LHFPL1: variants seen among roughly 807,000 people sequenced by gnomAD.
LHFPL1 encodes LHFPL tetraspan subfamily member 1 protein.
In LHFPL1, 4 loss-of-function variants were observed where a neutral mutation model predicts 12.1. The ratio of observed to expected loss-of-function variants is 0.33; its 90% CI spans 0.16 to 0.76. LHFPL1 has a LOEUF of 0.76. LHFPL1 is among the 30% of genes least tolerant of loss of function. The pLI is 0.61. For synonymous variants in LHFPL1, 52 were observed against 61.9 expected (o/e 0.84, Z 0.75); for missense variants, 141 against 174.1 (o/e 0.81, Z 1.07).
intron 3 of LHFPL1, among the ~76,000 whole-genome samples, chrX:112,638,420 A>G (rs1223053310): frequency 9.0e-6 from 1 of 111,597 alleles, no homozygotes; most frequent in Admixed American, 9.5e-5. Context: ...GGTAGCCTAT[A>G]GTGGCCCTGA....
chrX:112,676,113 T>C (rs73630511), intron 1 of LHFPL1, among the ~76,000 whole-genome samples: 3,952 of 112,110 alleles, frequency 0.035, 169 homozygotes, highest in African/African-American at 0.12. Flanking sequence ...AAGTGTATTC[T>C]AGAAAATGCT....
At chrX:112,665,124 T>C (rs13328517) in intron 2 of LHFPL1, among the ~76,000 whole-genome samples, 4,560 of 110,749 alleles carry the variant, frequency 0.041, 237 homozygotes, top group African/African-American at 0.14. Context: ...TCTGTGTCAT[T>C]GCTAACTCCC....
intron 3 of LHFPL1, among the ~76,000 whole-genome samples, chrX:112,646,009 C>T (rs1930675029): frequency 9.0e-6 from 1 of 111,120 alleles, no homozygotes; most frequent in Non-Finnish European, 1.9e-5. Context: ...CAGAAAGTCA[C>T]CTGCCCTTAT....
chrX:112,668,797 G>C (rs992353650), intron 2 of LHFPL1, among the ~76,000 whole-genome samples: 2 of 112,125 alleles, frequency 1.8e-5, no homozygotes, highest in Non-Finnish European at 1.9e-5. Flanking sequence ...GCATCATATG[G>C]AGAATTATGA....
At chrX:112,645,870 T>C (rs1042682595) in intron 3 of LHFPL1, among the ~76,000 whole-genome samples, 1 of 111,895 alleles carries the variant, frequency 8.9e-6, no homozygotes, top group African/African-American at 3.2e-5. Flanking sequence ...AAGGAGCCTT[T>C]ACCTGTTTTC....
chrX:112,633,537 C>A (rs1930252408), intron 3 of LHFPL1, among the ~76,000 whole-genome samples: 1 of 112,144 alleles, frequency 8.9e-6, no homozygotes, highest in Admixed American at 9.5e-5. Context: ...TTTTCTCTGA[C>A]CTTCCTAAGT....
chrX:112,675,128 G>A (rs1015532737), intron 1 of LHFPL1, among the ~76,000 whole-genome samples: 17 of 111,068 alleles, frequency 1.5e-4, no homozygotes, highest in Non-Finnish European at 2.8e-4. Flanking sequence ...GGACTTGGGG[G>A]GAAGGCGAGG....
intron 1 of LHFPL1, among the ~76,000 whole-genome samples, chrX:112,674,494 A>G (rs754282314): frequency 1.8e-5 from 2 of 111,657 alleles, no homozygotes; most frequent in South Asian, 3.8e-4. Context: ...CAGTCAGCAG[A>G]GTAAGCAGAC....
intron 3 of LHFPL1, among the ~76,000 whole-genome samples, chrX:112,645,994 G>T (rs1930674295): frequency 9.0e-6 from 1 of 110,951 alleles, no homozygotes; most frequent in Non-Finnish European, 1.9e-5. Flanking sequence ...TAGTTGTGGG[G>T]CCTTCAGAAA....
intron 3 of LHFPL1, among the ~76,000 whole-genome samples, chrX:112,658,040 T>C (rs905063866): frequency 1.8e-5 from 2 of 111,299 alleles, no homozygotes; most frequent in African/African-American, 6.5e-5. Flanking sequence ...AAAAATCATA[T>C]ATCCAAAAAG....
intron 2 of LHFPL1, among the ~76,000 whole-genome samples, chrX:112,666,897 C>T (rs1252376315): frequency 1.8e-5 from 2 of 111,320 alleles, no homozygotes; most frequent in Non-Finnish European, 3.8e-5. Flanking sequence ...AATTCAAGAG[C>T]ATCAGTGTAT....
At chrX:112,638,660 G>A (rs1332091455) in intron 3 of LHFPL1, among the ~76,000 whole-genome samples, 1 of 111,849 alleles carries the variant, frequency 8.9e-6, no homozygotes, top group Non-Finnish European at 1.9e-5. Flanking sequence ...ACTGATGGCT[G>A]GGGAGGGTTA....
chrX:112,651,379 G>A (rs1423911913), intron 3 of LHFPL1, among the ~76,000 whole-genome samples: 1 of 111,959 alleles, frequency 8.9e-6, no homozygotes, highest in Non-Finnish European at 1.9e-5. Context: ...ACCACTGTTA[G>A]TATTACAATC....
chrX:112,651,189 C>T (rs1171561788), intron 3 of LHFPL1, among the ~76,000 whole-genome samples: 1 of 111,922 alleles, frequency 8.9e-6, no homozygotes, highest in Non-Finnish European at 1.9e-5. Context: ...AACTCTTTCT[C>T]CCTAGCTAAA....
At chrX:112,677,436 G>A (rs749716113) in intron 1 of LHFPL1, among the ~76,000 whole-genome samples, 36 of 110,641 alleles carry the variant, frequency 3.3e-4, no homozygotes, top group African/African-American at 1.1e-3. Flanking sequence ...TTCTCCTCAC[G>A]CCCCCAGACA....
At chrX:112,660,535 G>C (rs1203594613) in intron 3 of LHFPL1, 92 bp downstream of exon 3, 10 of 666,889 alleles carry the variant, frequency 1.5e-5, no homozygotes, top group Non-Finnish European at 2.4e-6. Flanking sequence ...ATTCAGGCAA[G>C]TACCACTAGC....
intron 2 of LHFPL1, 119 bp downstream of exon 2, chrX:112,670,890 A>G: frequency 1.3e-6 from 1 of 783,099 alleles, no homozygotes; most frequent in Non-Finnish European, 1.8e-6. Context: ...CTTCATTCAT[A>G]GCCTTAGAGT....
At chrX:112,631,812 A>T (rs1467637100) in intron 3 of LHFPL1, among the ~76,000 whole-genome samples, 2 of 111,603 alleles carry the variant, frequency 1.8e-5, no homozygotes, top group African/African-American at 6.5e-5. Context: ...TGCTTCAGCA[A>T]GAGGTTGTAA....
Position 112,631,547 on chromosome X carries a change from G to C in LHFPL1, c.536C>G (p.Ala179Gly). ...YYCAGGGAAA[A>G]MLICTWLSCF... ...AGAGAGCCAGGTGCAGATCAACATG[G>C]CTGCAGCTGCTCCACCTCCAGCACA... The change falls in exon 4 of 4, where the codon GCC becomes GGC. Residue 179 changes from alanine to glycine, a missense_variant. Transcript: ENST00000371968. 8.3e-7 allele frequency: 1 copy of C among 1,209,850 alleles called. No homozygotes were observed. Among genetic ancestry groups the C allele is most frequent in the Non-Finnish European group, 1.1e-6 (1 of 894,265 alleles).
Sources: allele counts gnomAD v4.1 joint callset (sites outside exome capture counted in the v4.1 genomes callset), GRCh38; gene constraint gnomAD v4.1.1; transcripts MANE v1.5; gene names NCBI Gene and HGNC (gene_info 2026-07-23, HGNC 2026-07-21).